FHIT: variants seen among roughly 807,000 people sequenced by gnomAD.
FHIT encodes bis(5'-adenosyl)-triphosphatase.
Under a neutral mutation model 17.9 loss-of-function variants are expected in FHIT, and 19 were observed. The ratio of observed to expected loss-of-function variants is 1.06; its 90% CI spans 0.74 to 1.56. The LOEUF (loss-of-function observed/expected upper bound fraction) is 1.56, where lower values mean the gene tolerates loss of function less well. Among genes scored for constraint, FHIT ranks in the 40% most tolerant of loss-of-function variants. The probability of loss-of-function intolerance (pLI) is 0.00; values close to 1 mark genes in which losing one functional copy is unlikely to be tolerated. For missense variants in FHIT, 248 were observed against 189.2 expected, an observed-to-expected ratio of 1.31 and a Z score of -1.82; for synonymous variants, 81 against 69.7, an observed-to-expected ratio of 1.16 and a Z score of -0.81.
At chr3:60,214,463 T>C (rs1184467810) in intron 5 of FHIT, among the ~76,000 whole-genome samples, 2 of 152,194 alleles carry the variant, frequency 1.3e-5, no homozygotes, top group East Asian at 1.9e-4. Context: ...CTTATCAGAA[T>C]TTTAGAATTC....
intron 2 of FHIT, among the ~76,000 whole-genome samples, chr3:61,178,526 T>C (rs1255356107): frequency 7.2e-6 from 1 of 138,050 alleles, no homozygotes; most frequent in African/African-American, 2.8e-5. Flanking sequence ...ATTTTATGTA[T>C]AGTGTGACAC....
chr3:60,357,934 C>G (rs1473734363), intron 5 of FHIT, among the ~76,000 whole-genome samples: 1 of 152,170 alleles, frequency 6.6e-6, no homozygotes, highest in Non-Finnish European at 1.5e-5. Flanking sequence ...ATAAAAGACT[C>G]TCATAATTGT....
chr3:61,224,771 T>A (rs1308758035), intron 1 of FHIT, among the ~76,000 whole-genome samples: 1 of 152,150 alleles, frequency 6.6e-6, no homozygotes, highest in Non-Finnish European at 1.5e-5. Context: ...ATGACAGCAT[T>A]TCCACCAGTG....
At chr3:60,619,473 G>C (rs2682977) in intron 4 of FHIT, among the ~76,000 whole-genome samples, 130,361 of 152,012 alleles carry the variant, frequency 0.86, 56,092 homozygotes, top group Admixed American at 0.88. Flanking sequence ...TCAAGAGTTA[G>C]AACAAAGCTA....
intron 2 of FHIT, among the ~76,000 whole-genome samples, chr3:61,088,868 C>T (rs981321410): frequency 2.0e-5 from 3 of 151,842 alleles, no homozygotes; most frequent in African/African-American, 4.8e-5. Flanking sequence ...AGTATGGCTG[C>T]GCTGGAAAAA....
intron 3 of FHIT, among the ~76,000 whole-genome samples, chr3:60,933,603 TTTC>T (rs1258852944): frequency 6.6e-6 from 1 of 152,136 alleles, no homozygotes; most frequent in African/African-American, 2.4e-5. Flanking sequence ...TGTTCTTCAC[TTTC>T]TTATTATTTT....
chr3:60,332,706 C>A (rs1710046141), intron 5 of FHIT, among the ~76,000 whole-genome samples: 1 of 152,114 alleles, frequency 6.6e-6, no homozygotes, highest in Non-Finnish European at 1.5e-5. Context: ...CAATATGAGG[C>A]TTTATATAAC....
At chr3:60,190,496 C>A (rs1262644829) in intron 5 of FHIT, among the ~76,000 whole-genome samples, 1 of 152,070 alleles carries the variant, frequency 6.6e-6, no homozygotes, top group Admixed American at 6.5e-5. Context: ...CACCTGTAAT[C>A]CCAGCACTTT....
At chr3:59,984,895 C>G (rs1159465208) in intron 7 of FHIT, among the ~76,000 whole-genome samples, 1 of 152,088 alleles carries the variant, frequency 6.6e-6, no homozygotes, top group East Asian at 1.9e-4. Flanking sequence ...GGTCCCTAAT[C>G]TTAAGAGTAG....
intron 2 of FHIT, among the ~76,000 whole-genome samples, chr3:61,136,445 G>A (rs1201551846): frequency 6.6e-6 from 1 of 152,034 alleles, no homozygotes; most frequent in Non-Finnish European, 1.5e-5. Flanking sequence ...CATAAGATAT[G>A]CAAAAAACTA....
At chr3:60,099,530 G>A (rs963031991) in intron 5 of FHIT, among the ~76,000 whole-genome samples, 7 of 152,058 alleles carry the variant, frequency 4.6e-5, no homozygotes, top group African/African-American at 1.7e-4. Flanking sequence ...GCCTCTAATG[G>A]TCCTTCTAAC....
intron 5 of FHIT, among the ~76,000 whole-genome samples, chr3:60,521,400 A>G (rs2035357794): frequency 6.6e-6 from 1 of 151,982 alleles, no homozygotes; most frequent in Non-Finnish European, 1.5e-5. Context: ...GGCGCCCGCC[A>G]CCACACCCAG....
At chr3:61,099,645 G>A (rs888531949) in intron 2 of FHIT, among the ~76,000 whole-genome samples, 17 of 152,050 alleles carry the variant, frequency 1.1e-4, no homozygotes, top group African/African-American at 4.1e-4. Context: ...AGTCTTGGGT[G>A]GGTGAACGTG....
intron 5 of FHIT, among the ~76,000 whole-genome samples, chr3:60,129,053 GTTTTTT>G (rs72428863): frequency 8.1e-6 from 1 of 123,484 alleles, no homozygotes; most frequent in Admixed American, 8.6e-5. Flanking sequence ...TTTTTTGTTT[GTTTTTT>G]TTTTTTTTTT....
At chr3:61,247,075 A>G (rs1328379024) in intron 1 of FHIT, among the ~76,000 whole-genome samples, 1 of 144,966 alleles carries the variant, frequency 6.9e-6, no homozygotes, top group East Asian at 2.2e-4. Flanking sequence ...CACTCACCCC[A>G]TCAGTGCCTC....
chr3:59,980,486 G>A (rs536434128), intron 7 of FHIT, among the ~76,000 whole-genome samples: 4 of 152,222 alleles, frequency 2.6e-5, no homozygotes, highest in African/African-American at 4.8e-5. Flanking sequence ...GTTTCTAACC[G>A]GACTTTGGAA....
intron 7 of FHIT, among the ~76,000 whole-genome samples, chr3:59,934,471 C>T (rs1277405033): frequency 1.3e-5 from 2 of 152,094 alleles, no homozygotes; most frequent in East Asian, 3.8e-4. Flanking sequence ...CAATCTTGTA[C>T]AAATATTCTG....
chr3:60,575,050 G>T (rs1245555437), intron 4 of FHIT, among the ~76,000 whole-genome samples: 1 of 152,094 alleles, frequency 6.6e-6, no homozygotes, highest in African/African-American at 2.4e-5. Context: ...AATAAAGGAA[G>T]AATAAACATT....
chr3:60,242,675 C>T (rs1301459102), intron 5 of FHIT, among the ~76,000 whole-genome samples: 2 of 152,050 alleles, frequency 1.3e-5, no homozygotes, highest in South Asian at 2.1e-4. Context: ...CAGGGATCCC[C>T]GAAATAAAGA....
Sources: allele counts gnomAD v4.1 joint callset (sites outside exome capture counted in the v4.1 genomes callset), GRCh38; gene constraint gnomAD v4.1.1; transcripts MANE v1.5; gene names NCBI Gene and HGNC (gene_info 2026-07-23, HGNC 2026-07-21).